TOX2: variants seen among roughly 807,000 people sequenced by gnomAD.
The protein encoded by TOX2 is granulosa cell HMG box 1.
TOX2 carries 15 observed loss-of-function variants against 47.4 expected under a neutral mutation model. The observed-to-expected ratio is 0.32, with a 90% CI of 0.21 to 0.49. The LOEUF is 0.49. Among genes scored for constraint, TOX2 ranks in the 20% least tolerant of loss-of-function variants. TOX2 has a pLI of 0.99. For synonymous variants in TOX2, 290 were observed against 296.6 expected, an observed-to-expected ratio of 0.98 and a Z score of 0.23; for missense variants, 622 against 673.1, an observed-to-expected ratio of 0.92 and a Z score of 0.84.
intron 6 of TOX2, 72 bp from the exon 7 acceptor site, chr20:44,065,640 C>G: frequency 6.6e-7 from 1 of 1,511,804 alleles, no homozygotes; most frequent in Non-Finnish European, 8.9e-7. Context: ...TGCAGAGCCT[C>G]CTGGCCTCAC....
At chr20:44,031,008 G>T (rs998689576) in intron 3 of TOX2, among the ~76,000 whole-genome samples, 3 of 152,178 alleles carry the variant, frequency 2.0e-5, no homozygotes, top group Non-Finnish European at 4.4e-5. Flanking sequence ...TTTGAGGAAG[G>T]GTGGGGAGAC....
intron 1 of TOX2, among the ~76,000 whole-genome samples, chr20:43,950,558 C>A (rs1253510245): frequency 1.3e-5 from 2 of 151,976 alleles, no homozygotes; most frequent in Non-Finnish European, 2.9e-5. Context: ...CGGCAGCTCC[C>A]ATCTTAGGGC....
intron 2 of TOX2, among the ~76,000 whole-genome samples, chr20:43,984,898 TTCCCCCTCCCA>T (rs1406576802): frequency 4.6e-5 from 7 of 152,078 alleles, no homozygotes; most frequent in African/African-American, 1.7e-4. Flanking sequence ...AACAGCACCC[TTCCCCCTCCCA>T]GCCACCTCCC....
At chr20:43,925,257 G>A (rs1257521882) in intron 1 of TOX2, among the ~76,000 whole-genome samples, 2 of 151,992 alleles carry the variant, frequency 1.3e-5, no homozygotes, top group Non-Finnish European at 2.9e-5. Flanking sequence ...AAATGGGAGG[G>A]GGGCATCTAG....
intron 1 of TOX2, among the ~76,000 whole-genome samples, chr20:43,946,888 G>A (rs1010461418): frequency 1.3e-4 from 20 of 152,324 alleles, no homozygotes; most frequent in Admixed American, 2.0e-4. Flanking sequence ...CTCTTCTCGT[G>A]CTCTGATTTA....
intron 1 of TOX2, among the ~76,000 whole-genome samples, chr20:43,959,018 G>A (rs374555528): frequency 6.6e-6 from 1 of 152,236 alleles, no homozygotes; most frequent in Non-Finnish European, 1.5e-5. Flanking sequence ...GCCCCCCACT[G>A]CCCTCCTGGG....
intron 2 of TOX2, among the ~76,000 whole-genome samples, chr20:43,984,408 T>C (rs1324275697): frequency 6.6e-6 from 1 of 152,182 alleles, no homozygotes; most frequent in East Asian, 1.9e-4. Context: ...ATATGTCAGA[T>C]TGAACTAATG....
At chr20:43,981,134 T>C (rs368337021) in intron 2 of TOX2, among the ~76,000 whole-genome samples, 1 of 152,232 alleles carries the variant, frequency 6.6e-6, no homozygotes, top group African/African-American at 2.4e-5. Context: ...TTTTTACCAA[T>C]TGGATTGACC....
chr20:43,966,825 G>C (rs1415622949), intron 1 of TOX2, among the ~76,000 whole-genome samples: 3 of 152,082 alleles, frequency 2.0e-5, no homozygotes, highest in African/African-American at 4.8e-5. Flanking sequence ...CTGAGACTTG[G>C]GGCTGCCCTG....
At chr20:43,979,955 G>C (rs919497529) in intron 2 of TOX2, among the ~76,000 whole-genome samples, 1 of 152,176 alleles carries the variant, frequency 6.6e-6, no homozygotes, top group Non-Finnish European at 1.5e-5. Flanking sequence ...AACTACTGTG[G>C]AGAACAGTTT....
intron 1 of TOX2, among the ~76,000 whole-genome samples, chr20:43,951,161 G>A (rs1461967137): frequency 1.3e-5 from 2 of 152,182 alleles, no homozygotes; most frequent in Non-Finnish European, 2.9e-5. Context: ...AGGGACCCTT[G>A]CAGTAGTTAA....
chr20:43,967,037 G>A (rs1354383745), intron 1 of TOX2, among the ~76,000 whole-genome samples: 2 of 152,160 alleles, frequency 1.3e-5, no homozygotes, highest in South Asian at 2.1e-4. Flanking sequence ...ATACCTTTGT[G>A]TTCACACTCA....
chr20:43,948,181 C>G (rs6017225), intron 1 of TOX2, among the ~76,000 whole-genome samples: 8,977 of 152,240 alleles, frequency 0.059, 743 homozygotes, highest in African/African-American at 0.18. Context: ...ACCAGGGTGT[C>G]TGTTGGCACA....
chr20:43,945,007 G>A (rs987310812), intron 1 of TOX2, among the ~76,000 whole-genome samples: 3 of 152,224 alleles, frequency 2.0e-5, no homozygotes, highest in African/African-American at 4.8e-5. Flanking sequence ...CCCGGGGCCA[G>A]CTTTATCCCA....
At chr20:44,006,037 G>C (rs969993830) in intron 2 of TOX2, among the ~76,000 whole-genome samples, 1 of 152,180 alleles carries the variant, frequency 6.6e-6, no homozygotes, top group South Asian at 2.1e-4. Flanking sequence ...CATTTACCAA[G>C]ATGAGAAAGA....
At chr20:43,976,626 A>G (rs2070081191) in intron 2 of TOX2, among the ~76,000 whole-genome samples, 1 of 152,212 alleles carries the variant, frequency 6.6e-6, no homozygotes, top group Non-Finnish European at 1.5e-5. Flanking sequence ...ATTCATGATG[A>G]TTTTGTTGAA....
intron 3 of TOX2, among the ~76,000 whole-genome samples, chr20:44,008,806 T>C (rs1021726914): frequency 1.2e-4 from 19 of 152,064 alleles, no homozygotes; most frequent in African/African-American, 3.4e-4. Flanking sequence ...TACAAAAGAG[T>C]ATGAAATATC....
intron 2 of TOX2, among the ~76,000 whole-genome samples, chr20:43,995,423 G>C (rs753615785): frequency 2.6e-5 from 4 of 152,216 alleles, no homozygotes; most frequent in Non-Finnish European, 5.9e-5. Context: ...CCAGTTGTTG[G>C]GGTTTGGAGT....
At chr20:44,022,739 C>T (rs1173284492) in intron 3 of TOX2, among the ~76,000 whole-genome samples, 2 of 152,228 alleles carry the variant, frequency 1.3e-5, no homozygotes, top group Non-Finnish European at 2.9e-5. Flanking sequence ...TGGCATCTCC[C>T]CTATACTTAC....
Sources: gnomAD v4.1 joint callset for allele counts (sites outside exome capture counted in the v4.1 genomes callset) on GRCh38, gnomAD v4.1.1 for gene constraint, MANE v1.5 for transcripts, NCBI Gene and HGNC (gene_info 2026-07-23, HGNC 2026-07-21) for gene names.